The following PAXIP1 variants were observed in gnomAD, a reference collection of about 807,000 sequenced individuals.
PAXIP1 encodes PAX-interacting protein 1.
A neutral mutation model predicts 140.6 loss-of-function variants in PAXIP1; 19 were observed. The observed-to-expected ratio is 0.14, with a 90% CI of 0.09 to 0.20. PAXIP1 has a LOEUF of 0.20. PAXIP1 is among the 10% of genes least tolerant of loss of function. The probability of loss-of-function intolerance (pLI) is 1.00; values close to 1 mark genes in which losing one functional copy is unlikely to be tolerated. For synonymous variants in PAXIP1, 442 were observed against 444.6 expected (o/e 0.99, Z 0.07); for missense variants, 920 against 1,208.6 (o/e 0.76, Z 3.54).
chr7:154,972,492 A>G (rs1313157874), intron 6 of PAXIP1, among the ~76,000 whole-genome samples: 1 of 152,230 alleles, frequency 6.6e-6, no homozygotes, highest in Non-Finnish European at 1.5e-5. Context: ...CTGTCTCAAA[A>G]AACAACCAAA....
intron 2 of PAXIP1, among the ~76,000 whole-genome samples, chr7:154,996,447 A>C (rs1452717924): frequency 6.6e-6 from 1 of 152,220 alleles, no homozygotes. Context: ...ATAATCCTAG[A>C]TGCTAACTGC....
At chr7:154,997,166 G>A (rs1203364117) in intron 2 of PAXIP1, among the ~76,000 whole-genome samples, 2 of 152,208 alleles carry the variant, frequency 1.3e-5, no homozygotes, top group African/African-American at 4.8e-5. Flanking sequence ...TACCAGGGAG[G>A]TCACCACTTC....
intron 5 of PAXIP1, among the ~76,000 whole-genome samples, chr7:154,977,697 C>T (rs1809648042): frequency 6.6e-6 from 1 of 152,008 alleles, no homozygotes; most frequent in Admixed American, 6.6e-5. Flanking sequence ...CTAGAAAGGA[C>T]CACGATTAAC....
rs555344614 is a variant in PAXIP1, at chr7:154,968,959, GTGC to G, written c.1239_1241del (p.Gln413del). On this transcript the variant is annotated inframe_deletion, in exon 7 of 21. Transcript: ENST00000404141. Reference sequence around the variant, plus strand: ...GCTGGGGCTGAAGGTGTAAAACCGGGTGCTGCTGCTGCTGCTGCTGGGCCTGCT... The same window carrying G: ...GCTGGGGCTGAAGGTGTAAAACCGGGTGCTGCTGCTGCTGCTGGGCCTGCT... 1.7e-3 allele frequency: 2,319 copies of G among 1,394,772 alleles called. No homozygotes were observed. Among genetic ancestry groups the G allele is most frequent in the Non-Finnish European group, 1.9e-3 (2,006 of 1,031,314 alleles). The allele number at this position is 1,394,772 out of a possible 1,614,324, so 86.4% of individuals were successfully genotyped here.
intron 20 of PAXIP1, chr7:154,944,429 A>G (rs766606333): frequency 5.1e-5 from 17 of 331,686 alleles, no homozygotes; most frequent in Non-Finnish European, 7.8e-5. Context: ...ACTGAGGCCC[A>G]GCAATAGCTG....
chr7:154,986,248 T>C lies in PAXIP1; in HGVS notation c.325-2916A>G. On this transcript the variant is annotated intron_variant, in intron 4 of 20. Coordinates refer to ENST00000404141, the MANE Select transcript of PAXIP1 (RefSeq NM_007349.4). The surrounding 1 kb of genome is among the most constrained non-coding windows in gnomAD (Gnocchi z 4.8). ...CAGTCCTTTTGTAAAGCTGGGGTCCTGCCTGGCGTGTGCATGTGAGTGTGT... is the reference window on the plus strand; with the variant it reads ...CAGTCCTTTTGTAAAGCTGGGGTCCCGCCTGGCGTGTGCATGTGAGTGTGT... 1 of 1,180,588 alleles carries C rather than the reference T, an allele frequency of 8.5e-7. No individual in the cohort carries two copies. Among genetic ancestry groups the C allele is most frequent in the Non-Finnish European group, 1.1e-6 (1 of 898,426 alleles). The allele number at this position is 1,180,588 out of a possible 1,614,324, so 73.1% of individuals were successfully genotyped here.
Position 154,986,262 on chromosome 7 carries a change from ATG to A in PAXIP1, c.325-2932_325-2931del. The A allele has an allele frequency of 9.8e-7, 1 of 1,025,190 alleles. No individual in the cohort carries two copies. Among genetic ancestry groups the A allele is most frequent in the Non-Finnish European group, 1.3e-6 (1 of 767,896 alleles). 63.5% of individuals were successfully genotyped at this position (1,025,190 alleles called of 1,614,324 possible). ...AGCTGGGGTCCTGCCTGGCGTGTGC[ATG>A]TGAGTGTGTGTGCGCATGGGTGCTC... is the stretch of plus-strand genomic sequence containing the variant. On this transcript the variant is annotated intron_variant, in intron 4 of 20. Coordinates refer to ENST00000404141, the MANE Select transcript of PAXIP1 (RefSeq NM_007349.4). This position sits in a 1 kb window ranked among gnomAD's most constrained non-coding sequence, Gnocchi z 4.8.
Position 154,991,393 on chromosome 7 carries a change from T to C in PAXIP1, c.261-324A>G, listed in dbSNP as rs138700360. Among the ~76,000 whole-genome samples the C allele has an allele frequency of 5.1e-3, 773 of 152,312 alleles. 4 individuals carry two copies. Among genetic ancestry groups the C allele is most frequent in the African/African-American group, 0.017 (727 of 41,576 alleles). On this transcript the variant is annotated intron_variant, in intron 3 of 20. Coordinates refer to ENST00000404141, the MANE Select transcript of PAXIP1 (RefSeq NM_007349.4). ...ATATACAAATATATAAACACACACA[T>C]GCCTATACACATACACACAAATGGC...
chr7:154,954,174 G>T lies in PAXIP1; in HGVS notation c.2821+81C>A. The T allele has an allele frequency of 2.1e-6, 2 of 961,962 alleles. No homozygotes were observed. Among genetic ancestry groups the T allele is most frequent in the Non-Finnish European group, 2.9e-6 (2 of 688,244 alleles). The allele number at this position is 961,962 out of a possible 1,614,324, so 59.6% of individuals were successfully genotyped here. On this transcript the variant is annotated intron_variant, in intron 16 of 20. Transcript: ENST00000404141. The surrounding 1 kb of genome is among the most constrained non-coding windows in gnomAD (Gnocchi z 5.1). ...CACATAGTTTAAAAATTAAATATTT[G>T]TTGGGATGAAAAGAGATGAATTCAA...
Position 154,963,184 on chromosome 7 carries a change from A to AT in PAXIP1, c.1989+486dup, listed in dbSNP as rs897826977. On this transcript the variant is annotated intron_variant, in intron 9 of 20. Coordinates refer to ENST00000404141, the MANE Select transcript of PAXIP1 (RefSeq NM_007349.4). This position sits in a 1 kb window ranked among gnomAD's most constrained non-coding sequence, Gnocchi z 4.1. ...GGAGTGTCCGCCCTTTCTTTCTTTT[A>AT]TTTTTTTTTGAGATGGAGTCTCGCT... is the stretch of plus-strand genomic sequence containing the variant. Among the ~76,000 whole-genome samples, 16 of 150,426 alleles carry AT rather than the reference A, an allele frequency of 1.1e-4. No homozygotes were observed. Among genetic ancestry groups the AT allele is most frequent in the African/African-American group, 3.2e-4 (13 of 40,852 alleles).
At position 154,947,970 on chromosome 7, in the gene PAXIP1, G is replaced by A. The variant is rs758922356; in HGVS notation, c.2855C>T (p.Ala952Val). The part of the protein sequence containing the change: ...EQNYILRDAE[A>V]EVLFSFSLEE... ...CAAGCTGAAAGAGAAAAGTACTTCT[G>A]CCTCAGCATCTCGGAGAATGTAGTT... The change falls in exon 17 of 21, where the codon GCA becomes GTA. Residue 952 changes from alanine (A) to valine (V), a missense_variant. Around this residue, in one of 5 missense-constraint regions of PAXIP1, gnomAD observed 303 missense variants for 517.9 expected, o/e 0.59. Coordinates refer to ENST00000404141, the MANE Select transcript of PAXIP1 (RefSeq NM_007349.4). The A allele has an allele frequency of 6.8e-6, 11 of 1,613,190 alleles. No homozygotes were observed. Among genetic ancestry groups the A allele is most frequent in the Non-Finnish European group, 8.5e-6 (10 of 1,179,284 alleles).
intron 5 of PAXIP1, among the ~76,000 whole-genome samples, chr7:154,977,869 T>C (rs1054594534): frequency 6.6e-6 from 1 of 152,196 alleles, no homozygotes; most frequent in Admixed American, 6.5e-5. Flanking sequence ...AAAACATGTA[T>C]ACTTTTATGC....
chr7:154,957,339 G>T, intron 13 of PAXIP1, 45 bp from the exon 14 acceptor site: 1 of 997,922 alleles, frequency 1.0e-6, no homozygotes. Flanking sequence ...AATCTACTAA[G>T]TAATACAGTA....
At position 154,946,281 on chromosome 7, in the gene PAXIP1, C is replaced by T. The variant is rs868474323; in HGVS notation, c.3194+84G>A. On this transcript the variant is annotated intron_variant, in intron 20 of 20. Transcript: ENST00000404141. This position sits in a 1 kb window ranked among gnomAD's most constrained non-coding sequence, Gnocchi z 4.9. ...AAGAAAGGAAAAATGGCTTGCAAAA[C>T]AGGAAAGGTACTGCCTTATTAACCT... 2.0e-5 allele frequency: 31 copies of T among 1,588,420 alleles called. No homozygotes were observed. In the Middle Eastern group the frequency reaches 8.5e-4, roughly 43 times the overall value.
At chr7:154,957,182 T>C (rs1386174580) in intron 14 of PAXIP1, 42 bp downstream of exon 14, 1 of 1,110,958 alleles carries the variant, frequency 9.0e-7, no homozygotes, top group South Asian at 1.4e-5. Context: ...AAAGCAGACC[T>C]GTGAAAGCCA....
rs1483877106 is a variant in PAXIP1, at chr7:154,946,959, C to G, written c.2923-146G>C. On this transcript the variant is annotated intron_variant, in intron 17 of 20. Coordinates refer to ENST00000404141, the MANE Select transcript of PAXIP1 (RefSeq NM_007349.4). This position sits in a 1 kb window ranked among gnomAD's most constrained non-coding sequence, Gnocchi z 4.9. ...AAGGTACTATTCTCCTACTAGCACTCAATCTGAAGTGGAAGAGGAATCCAG... is the reference window on the plus strand; with the variant it reads ...AAGGTACTATTCTCCTACTAGCACTGAATCTGAAGTGGAAGAGGAATCCAG... 1.0e-5 allele frequency: 6 copies of G among 573,350 alleles called. No individual in the cohort carries two copies. In the African/African-American group the frequency reaches 1.1e-4, roughly 11 times the overall value. 35.5% of individuals were successfully genotyped at this position (573,350 alleles called of 1,614,324 possible). A position where few individuals can be genotyped will look rare whatever the true frequency, so the allele number is the denominator to read the frequency against.
chr7:154,959,827 T>TAC (rs1808679580), intron 13 of PAXIP1, 63 bp downstream of exon 13: 15 of 999,342 alleles, frequency 1.5e-5, no homozygotes, highest in Non-Finnish European at 2.3e-5. Flanking sequence ...TGAAGACAAA[T>TAC]ACATCCCTAC....
At chr7:155,003,370 G>A (rs1387152851), upstream of PAXIP1, 3 of 152,104 alleles carry the variant, frequency 2.0e-5, no homozygotes, top group East Asian at 5.8e-4. Context: ...AGCCGGTCCC[G>A]GGGAGGAGGG....
At chr7:154,950,068 A>G (rs747611841) in intron 16 of PAXIP1, 1 of 152,242 alleles carries the variant, frequency 6.6e-6, no homozygotes, top group Non-Finnish European at 1.5e-5. Flanking sequence ...TCATGGAAGT[A>G]CAAAAGAAAT....
Sources: allele counts gnomAD v4.1 joint callset (sites outside exome capture counted in the v4.1 genomes callset), GRCh38; gene constraint gnomAD v4.1.1; regional missense constraint gnomAD v4.1.1; non-coding constraint Gnocchi (gnomAD v3.1); transcripts MANE v1.5; gene names NCBI Gene and HGNC (gene_info 2026-07-23, HGNC 2026-07-21).